The following DENND3 variants were observed in gnomAD, a reference collection of about 807,000 sequenced individuals.
DENND3 encodes the protein DENN domain containing 3, also known as DENN domain-containing protein 3.
Under a neutral mutation model 135.1 loss-of-function variants are expected in DENND3, and 88 were observed. The observed-to-expected ratio is 0.65, with a 90% CI of 0.55 to 0.78. DENND3 has a LOEUF of 0.78. Ranked by LOEUF, DENND3 falls within the 30% of genes least tolerant of loss-of-function variation. DENND3 has a pLI of 0.00. For missense variants in DENND3, 1,392 were observed against 1,688.4 expected (o/e 0.82, Z 3.08); for synonymous variants, 693 against 712.3 (o/e 0.97, Z 0.43).
intron 3 of DENND3, among the ~76,000 whole-genome samples, chr8:141,140,051 A>G (rs1316371818): frequency 6.6e-6 from 1 of 152,014 alleles, no homozygotes; most frequent in African/African-American, 2.4e-5. Context: ...AGCTGGGACC[A>G]CAGGTGTGCA....
intron 9 of DENND3, 52 bp downstream of exon 9, chr8:141,160,839 C>T: frequency 6.3e-7 from 1 of 1,576,716 alleles, no homozygotes; most frequent in Non-Finnish European, 8.7e-7. Context: ...AGCCAGCCAT[C>T]CATTCTATGG....
At chr8:141,190,836 T>C (rs1824635951) in intron 20 of DENND3, among the ~76,000 whole-genome samples, 1 of 152,232 alleles carries the variant, frequency 6.6e-6, no homozygotes, top group Non-Finnish European at 1.5e-5. Flanking sequence ...CCTCGGCTGC[T>C]TGGCACAGAG....
At position 141,183,710 on chromosome 8, in the gene DENND3, C is replaced by T. The variant is rs189363291; in HGVS notation, c.2945-1429C>T. 3.2e-4 allele frequency among the ~76,000 whole-genome samples: 48 copies of T among 149,612 alleles called. No individual in the cohort carries two copies. In the East Asian group the frequency reaches 6.8e-3, roughly 21 times the overall value. On this transcript the variant is annotated intron_variant, in intron 17 of 22. Transcript: ENST00000519811. ...CGGGTGAGAAGCCACTGAAGACGTC[C>T]GGTGACACTGTCAGTTTTTTGTTTT... is the stretch of plus-strand genomic sequence containing the variant.
chr8:141,158,218 G>A (rs1485628222), intron 8 of DENND3: 1 of 1,289,724 alleles, frequency 7.8e-7, no homozygotes, highest in East Asian at 5.6e-5. Flanking sequence ...CAGCTGTTCT[G>A]TTGGCAACTG....
intron 5 of DENND3, among the ~76,000 whole-genome samples, chr8:141,149,677 C>T (rs1818553710): frequency 6.6e-6 from 1 of 152,250 alleles, no homozygotes; most frequent in African/African-American, 2.4e-5. Flanking sequence ...GGGGACCTGT[C>T]CATATGTGCC....
intron 7 of DENND3, among the ~76,000 whole-genome samples, chr8:141,153,970 C>T (rs1043489645): frequency 1.5e-4 from 23 of 152,122 alleles, no homozygotes; most frequent in African/African-American, 4.1e-4. Context: ...TTGTGGCTGG[C>T]GGTGGGATCT....
chr8:141,132,129 T>G (rs577527994), intron 1 of DENND3, among the ~76,000 whole-genome samples: 14 of 152,274 alleles, frequency 9.2e-5, no homozygotes, highest in African/African-American at 3.4e-4. Flanking sequence ...ACTGTACGGT[T>G]GTAAACAGGG....
chr8:141,180,482 G>A (rs1288519583), intron 16 of DENND3, among the ~76,000 whole-genome samples: 1 of 152,194 alleles, frequency 6.6e-6, no homozygotes, highest in Non-Finnish European at 1.5e-5. Flanking sequence ...GCAGCTCGAG[G>A]CATAGGGGCA....
At chr8:141,157,352 C>G (rs1589610119) in intron 8 of DENND3, 3 of 985,386 alleles carry the variant, frequency 3.0e-6, no homozygotes, top group Non-Finnish European at 3.6e-6. Flanking sequence ...AGTGCCAGGG[C>G]TCCCTCGGGG....
Position 141,136,456 on chromosome 8 carries a change from C to T in DENND3, c.103-53C>T, listed in dbSNP as rs896457477. On this transcript the variant is annotated intron_variant, in intron 1 of 22. Coordinates refer to ENST00000519811, the MANE Select transcript of DENND3 (RefSeq NM_001352890.3). Reference sequence around the variant, plus strand: ...AGTGAAGCTCAGACAGAAAGGATACCCTCGAACAAGAGCTGAGGCTGTGGC... The same window carrying T: ...AGTGAAGCTCAGACAGAAAGGATACTCTCGAACAAGAGCTGAGGCTGTGGC... 2.0e-6 allele frequency: 3 copies of T among 1,477,356 alleles called. No individual in the cohort carries two copies. The African/African-American group carries it at 4.2e-5, about 21-fold the overall frequency. 91.5% of individuals were successfully genotyped at this position (1,477,356 alleles called of 1,614,324 possible).
intron 9 of DENND3, 76 bp from the exon 10 acceptor site, chr8:141,163,257 C>T (rs428300): frequency 0.65 from 506,061 of 777,572 alleles, 166,148 homozygotes; most frequent in African/African-American, 0.74. Flanking sequence ...CTAACCATTT[C>T]TCTGCTACTA....
chr8:141,183,024 G>A (rs964535333), intron 17 of DENND3, among the ~76,000 whole-genome samples: 1 of 152,218 alleles, frequency 6.6e-6, no homozygotes, highest in African/African-American at 2.4e-5. Context: ...CAGGGGAAAG[G>A]TGAAACCTCG....
chr8:141,192,080 A>C, intron 20 of DENND3: 3 of 421,926 alleles, frequency 7.1e-6, no homozygotes, highest in Non-Finnish European at 1.3e-5. Flanking sequence ...CTTTCAAGAA[A>C]GTTAAGAAAA....
chr8:141,141,239 G>A lies in DENND3; in HGVS notation c.538G>A (p.Glu180Lys). The part of the protein sequence containing the change: ...YCFYNGKTHR[E>K]CPGCFVPFAV... Reference sequence around the variant, plus strand: ...TTTCTACAATGGCAAAACGCACCGGGAGTGTCCTGGCTGCTTCGTGCCCTT... The same window carrying A: ...TTTCTACAATGGCAAAACGCACCGGAAGTGTCCTGGCTGCTTCGTGCCCTT... The change falls in exon 4 of 23, where the codon GAG becomes AAG. Residue 180 changes from glutamate (E) to lysine (K), a missense_variant. Coordinates refer to ENST00000519811, the MANE Select transcript of DENND3 (RefSeq NM_001352890.3). This position sits in a 1 kb window ranked among gnomAD's most constrained non-coding sequence, Gnocchi z 5.3. The A allele has an allele frequency of 1.2e-6, 2 of 1,614,230 alleles. No homozygotes were observed. The highest frequency in any genetic ancestry group is 1.7e-6 in the Non-Finnish European group (2 of 1,180,032).
chr8:141,178,724 A>G (rs1174301491), intron 16 of DENND3, among the ~76,000 whole-genome samples: 5 of 152,214 alleles, frequency 3.3e-5, no homozygotes, highest in Admixed American at 3.3e-4. Flanking sequence ...TGATTGGGTC[A>G]GCTTCCCCAG....
At position 141,185,241 on chromosome 8, in the gene DENND3, T is replaced by C. The variant is rs1341243858; in HGVS notation, c.3047T>C (p.Ile1016Thr). Reference protein sequence around the residue: ...VTVFNASSWTIHQHSFKVGTA... With the variant: ...VTVFNASSWTTHQHSFKVGTA... ...GTGTTCAATGCTTCTTCATGGACCA[T>C]CCACCAGCACTCCTTTAAAGTGGGC... The change falls in exon 18 of 23, where the codon ATC (isoleucine) becomes ACC (threonine). Residue 1016 changes from isoleucine to threonine, a missense_variant. By Grantham distance (89) the Ile-to-Thr change is moderately conservative. Coordinates refer to ENST00000519811, the MANE Select transcript of DENND3 (RefSeq NM_001352890.3). The C allele has an allele frequency of 1.2e-6, 2 of 1,614,170 alleles. No individual in the cohort carries two copies. The highest frequency in any genetic ancestry group is 2.2e-5 in the South Asian group (2 of 91,080).
chr8:141,185,335 C>G (rs759121661), intron 18 of DENND3, 57 bp downstream of exon 18: 80 of 1,606,716 alleles, frequency 5.0e-5, no homozygotes, highest in Non-Finnish European at 6.7e-5. Context: ...TTCTGAAACC[C>G]AAGTGTGTTC....
rs189565044 is a variant in DENND3, at chr8:141,165,518, G to T, written c.1553+229G>T. Among the ~76,000 whole-genome samples, 924 of 150,146 alleles carry T rather than the reference G, an allele frequency of 6.2e-3. 16 individuals carry two copies. Among genetic ancestry groups the T allele is most frequent in the African/African-American group, 0.022 (892 of 40,692 alleles). On this transcript the variant is annotated intron_variant, in intron 11 of 22. Coordinates refer to ENST00000519811, the MANE Select transcript of DENND3 (RefSeq NM_001352890.3). ...TCGCTCTTGTTGCCCAGGCTGGAGT[G>T]CAGTAGCTCAATCTCCGCTCACTGC...
chr8:141,166,349 C>T lies in DENND3; in HGVS notation c.1713C>T (p.Leu571=), dbSNP rs1367282369. Residue 571 remains leucine (L), a synonymous_variant, in exon 12 of 23, where the codon CTC becomes CTT. Coordinates refer to ENST00000519811, the MANE Select transcript of DENND3 (RefSeq NM_001352890.3). The surrounding 1 kb of genome is among the most constrained non-coding windows in gnomAD (Gnocchi z 4.3). ...AGCTGGCACCCAGGAACTCCTCGCT[C>T]CGGCTGACGGACACCGCAGGCTGTA... ...MPELAPRNSS[L]RLTDTAGCRG... The T allele has an allele frequency of 1.2e-6, 2 of 1,613,320 alleles. No homozygotes were observed. The highest frequency in any genetic ancestry group is 1.7e-6 in the Non-Finnish European group (2 of 1,179,996).
Sources: allele counts gnomAD v4.1 joint callset (sites outside exome capture counted in the v4.1 genomes callset), GRCh38; gene constraint gnomAD v4.1.1; non-coding constraint Gnocchi (gnomAD v3.1); transcripts MANE v1.5; gene names NCBI Gene and HGNC (gene_info 2026-07-23, HGNC 2026-07-21).